The following SPSB1 variants were observed in gnomAD, a reference collection of about 807,000 sequenced individuals.
SPSB1 encodes SPRY domain-containing SOCS box protein 1.
Under a neutral mutation model 21.2 loss-of-function variants are expected in SPSB1, and 8 were observed. The observed-to-expected ratio is 0.38, with a 90% CI of 0.22 to 0.68. The LOEUF is 0.68. SPSB1 is among the 30% of genes least tolerant of loss of function. The probability of loss-of-function intolerance (pLI) is 0.53; values close to 1 mark genes in which losing one functional copy is unlikely to be tolerated. For missense variants in SPSB1, 242 were observed against 377.8 expected, an observed-to-expected ratio of 0.64 and a Z score of 2.98; for synonymous variants, 169 against 161.7, an observed-to-expected ratio of 1.05 and a Z score of -0.34.
At chr1:9,328,949 G>A (rs1014874411) in intron 1 of SPSB1, among the ~76,000 whole-genome samples, 7 of 152,188 alleles carry the variant, frequency 4.6e-5, no homozygotes, top group Non-Finnish European at 8.8e-5. Context: ...CCCAGGGTAC[G>A]CTGGGGTGAA....
At chr1:9,328,905 A>G (rs1639869003) in intron 1 of SPSB1, among the ~76,000 whole-genome samples, 1 of 152,154 alleles carries the variant, frequency 6.6e-6, no homozygotes, top group East Asian at 1.9e-4. Context: ...CCAACTTGTG[A>G]GCCCCACATG....
chr1:9,362,581 C>G (rs764318382), intron 2 of SPSB1, among the ~76,000 whole-genome samples: 2 of 152,232 alleles, frequency 1.3e-5, no homozygotes, highest in African/African-American at 4.8e-5. Flanking sequence ...TTCTCTGATG[C>G]GGAACATTTT....
rs1449100608 is a variant in SPSB1, at chr1:9,345,349, C to T, written c.-149-10394C>T. On this transcript the variant is annotated intron_variant, in intron 1 of 2. Transcript: ENST00000328089. The surrounding 1 kb of genome is among the most constrained non-coding windows in gnomAD (Gnocchi z 4.8). ...GCTTTTGGGCCTGCCTTTCTGCTTC[C>T]ACTCTTTGGGGGCGCCCCACCTCCT... Among the ~76,000 whole-genome samples, 1 of 152,144 alleles carries T rather than the reference C, an allele frequency of 6.6e-6. No individual in the cohort carries two copies. Among genetic ancestry groups the T allele is most frequent in the South Asian group, 2.1e-4 (1 of 4,828 alleles).
chr1:9,341,161 T>C (rs1196407048), intron 1 of SPSB1, among the ~76,000 whole-genome samples: 1 of 152,206 alleles, frequency 6.6e-6, no homozygotes, highest in Non-Finnish European at 1.5e-5. Context: ...CAGATCCAAG[T>C]TGCTTTTCTG....
intron 1 of SPSB1, among the ~76,000 whole-genome samples, chr1:9,328,333 TCA>T (rs900450572): frequency 1.4e-4 from 22 of 152,190 alleles, no homozygotes; most frequent in African/African-American, 5.3e-4. Context: ...TCCCTTTTCT[TCA>T]AGTTTGGGAA....
Position 9,346,631 on chromosome 1 carries a change from C to T in SPSB1, c.-149-9112C>T, listed in dbSNP as rs1006175017. Among the ~76,000 whole-genome samples, 1 of 152,190 alleles carries T rather than the reference C, an allele frequency of 6.6e-6. No homozygotes were observed. Among genetic ancestry groups the T allele is most frequent in the African/African-American group, 2.4e-5 (1 of 41,438 alleles). On this transcript the variant is annotated intron_variant, in intron 1 of 2. Transcript: ENST00000328089. The surrounding 1 kb of genome is among the most constrained non-coding windows in gnomAD (Gnocchi z 4.4). ...AATTGAAACACCATCGGGGGGTTGC[C>T]GGCAGGTGCTGTGCAGTCTGGCCTG... is the stretch of plus-strand genomic sequence containing the variant.
chr1:9,344,758 C>T (rs1033049331), intron 1 of SPSB1, among the ~76,000 whole-genome samples: 11 of 152,118 alleles, frequency 7.2e-5, no homozygotes, highest in African/African-American at 2.4e-4. Flanking sequence ...CTGACTGTCA[C>T]GTAGGCTGGG....
At chr1:9,298,065 G>A (rs1639254601) in intron 1 of SPSB1, among the ~76,000 whole-genome samples, 1 of 152,196 alleles carries the variant, frequency 6.6e-6, no homozygotes, top group Non-Finnish European at 1.5e-5. Flanking sequence ...GGCAAGGTGA[G>A]TGTGGTTACC....
intron 2 of SPSB1, among the ~76,000 whole-genome samples, chr1:9,362,612 C>G (rs1226881639): frequency 1.3e-5 from 2 of 152,228 alleles, no homozygotes; most frequent in Non-Finnish European, 2.9e-5. Flanking sequence ...CACCGTTCTG[C>G]AGCTCGTTCA....
At chr1:9,342,158 G>A (rs886116884) in intron 1 of SPSB1, among the ~76,000 whole-genome samples, 1 of 152,230 alleles carries the variant, frequency 6.6e-6, no homozygotes, top group African/African-American at 2.4e-5. Context: ...GCCTCAGATG[G>A]TGGAGTTCTC....
chr1:9,314,893 T>A (rs1639584176), intron 1 of SPSB1, among the ~76,000 whole-genome samples: 1 of 152,156 alleles, frequency 6.6e-6, no homozygotes, highest in African/African-American at 2.4e-5. Flanking sequence ...GGGAGAGGAC[T>A]GCGGCAAAGG....
At chr1:9,354,303 C>T (rs1245479328) in intron 1 of SPSB1, among the ~76,000 whole-genome samples, 4 of 152,186 alleles carry the variant, frequency 2.6e-5, no homozygotes, top group Admixed American at 6.5e-5. Flanking sequence ...GACTCTCTCC[C>T]GGCAGCCAAG....
In SPSB1 at chr1:9,367,258, C is replaced by T. The variant is rs1640590157; in HGVS notation, c.695-190C>T. Among the ~76,000 whole-genome samples the T allele has an allele frequency of 6.6e-6, 1 of 152,246 alleles. No homozygotes were observed. The highest frequency in any genetic ancestry group is 6.5e-5 in the Admixed American group (1 of 15,290). ...TTAGCAGAGGGCTCGCCCAGGTGCC[C>T]AGCCCAGGGTGGGCTCCTGGTGGCA... On this transcript the variant is annotated intron_variant, in intron 2 of 2. Coordinates refer to ENST00000328089, the MANE Select transcript of SPSB1 (RefSeq NM_025106.4). The surrounding 1 kb of genome is among the most constrained non-coding windows in gnomAD (Gnocchi z 5.9).
intron 2 of SPSB1, among the ~76,000 whole-genome samples, chr1:9,359,847 C>CCG (rs71580084): frequency 9.5e-6 from 1 of 105,786 alleles, no homozygotes; most frequent in Admixed American, 9.7e-5. Flanking sequence ...GGATGGAAGC[C>CCG]GGGGGGGTGG....
chr1:9,344,663 G>A (rs1569633404), intron 1 of SPSB1, among the ~76,000 whole-genome samples: 2 of 151,378 alleles, frequency 1.3e-5, no homozygotes, highest in Admixed American at 6.6e-5. Context: ...CATCATGAAC[G>A]CTGCCCTTCT....
Position 9,367,777 on chromosome 1 carries a change from A to C in SPSB1, c.*202A>C. ...AGGCTCCTCTTTCCCCCTTCCCGAC[A>C]TCAGCAGAAGGCAGCATCCCTGCAT... On this transcript the variant is annotated 3_prime_UTR_variant, in exon 3 of 3. Coordinates refer to ENST00000328089, the MANE Select transcript of SPSB1 (RefSeq NM_025106.4). The surrounding 1 kb of genome is among the most constrained non-coding windows in gnomAD (Gnocchi z 5.9). 6 of 758,758 alleles carry C rather than the reference A, an allele frequency of 7.9e-6. No individual in the cohort carries two copies. Among genetic ancestry groups the C allele is most frequent in the Non-Finnish European group, 1.2e-5 (6 of 485,244 alleles). 47.0% of individuals were successfully genotyped at this position (758,758 alleles called of 1,614,324 possible). A position where few individuals can be genotyped will look rare whatever the true frequency, so the allele number is the denominator to read the frequency against.
intron 1 of SPSB1, among the ~76,000 whole-genome samples, chr1:9,294,057 T>C (rs1049069865): frequency 2.0e-5 from 3 of 151,624 alleles, no homozygotes; most frequent in African/African-American, 7.3e-5. Context: ...TCTGAGTGCG[T>C]CTTTGTGTAT....
chr1:9,299,726 G>A (rs568268498), intron 1 of SPSB1, among the ~76,000 whole-genome samples: 91 of 152,108 alleles, frequency 6.0e-4, no homozygotes, highest in African/African-American at 2.0e-3. Context: ...TGATTCACCC[G>A]CCTTGGCCTC....
chr1:9,293,803 C>G lies in SPSB1; in HGVS notation c.-150+732C>G, dbSNP rs971199774. Reference sequence around the variant, plus strand: ...GGTTCCGGTGAGGACGGGACGGCCCCGAGAGGAGGGTGCGGGTCTGCAGGA... The same window carrying G: ...GGTTCCGGTGAGGACGGGACGGCCCGGAGAGGAGGGTGCGGGTCTGCAGGA... On this transcript the variant is annotated intron_variant, in intron 1 of 2. Coordinates refer to ENST00000328089, the MANE Select transcript of SPSB1 (RefSeq NM_025106.4). The surrounding 1 kb of genome is among the most constrained non-coding windows in gnomAD (Gnocchi z 5.1). Among the ~76,000 whole-genome samples the G allele has an allele frequency of 6.6e-6, 1 of 152,160 alleles. No homozygotes were observed. Among genetic ancestry groups the G allele is most frequent in the Non-Finnish European group, 1.5e-5 (1 of 68,014 alleles).
Sources: gnomAD v4.1 joint callset for allele counts (sites outside exome capture counted in the v4.1 genomes callset) on GRCh38, gnomAD v4.1.1 for gene constraint, Gnocchi (gnomAD v3.1) non-coding constraint, MANE v1.5 for transcripts, NCBI Gene and HGNC (gene_info 2026-07-23, HGNC 2026-07-21) for gene names.